AAAS: variants seen among roughly 807,000 people sequenced by gnomAD.
AAAS encodes aladin WD repeat nucleoporin, also known as aladin.
In AAAS, 60 loss-of-function variants were observed where a neutral mutation model predicts 75.6. The ratio of observed to expected loss-of-function variants is 0.79; its 90% CI spans 0.64 to 0.98. AAAS has a LOEUF of 0.98. AAAS is among the 50% of genes least tolerant of loss of function. AAAS has a pLI of 0.00. For missense variants in AAAS, 658 were observed against 686.9 expected (o/e 0.96, Z 0.47); for synonymous variants, 271 against 265.0 (o/e 1.02, Z -0.22).
chr12:53,310,310 A>G (rs996033925), intron 7 of AAAS, among the ~76,000 whole-genome samples: 3 of 152,194 alleles, frequency 2.0e-5, no homozygotes, highest in African/African-American at 4.8e-5. Flanking sequence ...CTGTAATCCC[A>G]GCACTTTGGG....
chr12:53,321,240 G>A, intron 1 of AAAS, 103 bp downstream of exon 1: 1 of 1,538,158 alleles, frequency 6.5e-7, no homozygotes, highest in Non-Finnish European at 8.8e-7. Flanking sequence ...TTTCCACTCC[G>A]CCAGACTCTG....
chr12:53,312,784 CGT>C (rs1944408317), intron 7 of AAAS, among the ~76,000 whole-genome samples: 1 of 146,972 alleles, frequency 6.8e-6, no homozygotes, highest in African/African-American at 2.5e-5. Flanking sequence ...TATACATACA[CGT>C]ATATATATAT....
chr12:53,318,402 G>C (rs1371708692), intron 2 of AAAS, among the ~76,000 whole-genome samples: 1 of 152,014 alleles, frequency 6.6e-6, no homozygotes, highest in Non-Finnish European at 1.5e-5. Context: ...GATTACACAC[G>C]GAGTTTCACC....
Position 53,308,797 on chromosome 12 carries a change from C to G in AAAS, c.1015G>C (p.Asp339His), listed in dbSNP as rs140920186. 8.5e-5 allele frequency: 138 copies of G among 1,614,086 alleles called. No individual in the cohort carries two copies. The highest frequency in any genetic ancestry group is 6.6e-4 in the Middle Eastern group (4 of 6,062). The change falls in exon 11 of 16, where the codon GAT becomes CAT. Residue 339 changes from aspartate (D) to histidine (H), a missense_variant. Transcript: ENST00000209873. ...GRCQTGCWSPDGSRLLFTVLG... is the reference protein window; with the variant it reads ...GRCQTGCWSPHGSRLLFTVLG... ...ACAGTGAACAGCAGTCGGCTGCCAT[C>G]TGGGCTCCAGCAGCCAGTCTGGGGT...
intron 1 of AAAS, chr12:53,320,959 G>A (rs1004578236): frequency 1.3e-5 from 7 of 542,564 alleles, no homozygotes; most frequent in South Asian, 8.4e-5. Flanking sequence ...TTCTTACATA[G>A]CAAACGCTCA....
At chr12:53,313,765 T>C (rs1048111573) in intron 7 of AAAS, among the ~76,000 whole-genome samples, 1 of 150,966 alleles carries the variant, frequency 6.6e-6, no homozygotes, top group South Asian at 2.1e-4. Context: ...TGTACCACCA[T>C]GCCCAGCTAA....
intron 5 of AAAS, 35 bp from the exon 6 acceptor site, chr12:53,314,884 C>T (rs1265251803): frequency 6.3e-7 from 1 of 1,586,108 alleles, no homozygotes; most frequent in Non-Finnish European, 8.6e-7. Context: ...GTTCCTGCAC[C>T]TATCCCTACC....
In AAAS at chr12:53,314,455, G is replaced by A; in HGVS notation, c.546-14C>T. The A allele has an allele frequency of 1.9e-6, 3 of 1,613,844 alleles. No individual in the cohort carries two copies. The highest frequency in any genetic ancestry group is 2.5e-6 in the Non-Finnish European group (3 of 1,180,002). On this transcript the variant is annotated splice_polypyrimidine_tract_variant and intron_variant, in intron 6 of 15. Transcript: ENST00000209873. Reference sequence around the variant, plus strand: ...GGGACTATGGTGCTAGGGTGAAGGGGCAGGAAACTGAGTCAAGGCAGGAAC... The same window carrying A: ...GGGACTATGGTGCTAGGGTGAAGGGACAGGAAACTGAGTCAAGGCAGGAAC...
At chr12:53,314,683 C>T (rs961635312) in intron 6 of AAAS, 68 bp downstream of exon 6, 70 of 1,527,310 alleles carry the variant, frequency 4.6e-5, no homozygotes, top group Non-Finnish European at 5.8e-5. Context: ...CAGGACTCCC[C>T]GGAACCAAGG....
chr12:53,311,673 G>A (rs546304594), intron 7 of AAAS, among the ~76,000 whole-genome samples: 16 of 152,192 alleles, frequency 1.1e-4, no homozygotes, highest in Non-Finnish European at 1.8e-4. Context: ...TCAGCACTTC[G>A]GGAGGCCGAG....
chr12:53,318,433 G>A (rs776533618), intron 2 of AAAS, among the ~76,000 whole-genome samples: 16 of 151,962 alleles, frequency 1.1e-4, no homozygotes, highest in South Asian at 4.2e-4. Context: ...GGCTGGTCTC[G>A]AACTCCTGAC....
rs376897011 is a variant in AAAS at position 53,315,120 on chromosome 12, G to A, written c.420C>T (p.Ile140=). The change falls in exon 5 of 16, where the codon ATC becomes ATT. Residue 140 remains isoleucine (I), a synonymous_variant. Coordinates refer to ENST00000209873, the MANE Select transcript of AAAS (RefSeq NM_015665.6). ...AATTTGTGACTTGGGCAAATTCAGC[G>A]ATCAGATCTTCGCTCCTGAGCTGTA... ...PHLSLRSEDL[I]AEFAQVTNWS... 11 of 1,614,004 alleles carry A rather than the reference G, an allele frequency of 6.8e-6. No individual in the cohort carries two copies. Among genetic ancestry groups the A allele is most frequent in the African/African-American group, 4.0e-5 (3 of 74,908 alleles).
In AAAS at chr12:53,307,513, G is replaced by A; in HGVS notation, c.1617C>T (p.Pro539=). ...DPLPGPPPVL[P]HSPHSHL The stretch of plus-strand genomic sequence containing the variant: ...CTTAGAGGTGGGAATGTGGGGAGTG[G>A]GGCAGAACAGGTGGTGGCCCTGGGA... Residue 539 remains proline, a synonymous_variant, in exon 16 of 16, where the codon CCC becomes CCT. Coordinates refer to ENST00000209873, the MANE Select transcript of AAAS (RefSeq NM_015665.6). The A allele has an allele frequency of 6.2e-7, 1 of 1,613,922 alleles. No individual in the cohort carries two copies. The highest frequency in any genetic ancestry group is 8.5e-7 in the Non-Finnish European group (1 of 1,179,824).
In AAAS at chr12:53,314,770, G is replaced by A. The variant is rs761548578; in HGVS notation, c.526C>T (p.Arg176Cys). The change falls in exon 6 of 16, where the codon CGT becomes TGT. Residue 176 changes from arginine to cysteine, a missense_variant. Arg to Cys is a radical substitution (Grantham distance 180). Coordinates refer to ENST00000209873, the MANE Select transcript of AAAS (RefSeq NM_015665.6). ...ACACACCTGCTGGCATTATACACAC[G>A]GACTGAGTCATCTAGCAGGGCCACT... ...FAVALLDDSV[R>C]VYNASSTIVP... is the part of the protein sequence containing the mutation. 1.8e-5 allele frequency: 29 copies of A among 1,613,696 alleles called. No individual in the cohort carries two copies. Among genetic ancestry groups the A allele is most frequent in the Middle Eastern group, 1.7e-4 (1 of 5,912 alleles).
At chr12:53,310,953 T>A (rs1944380275) in intron 7 of AAAS, among the ~76,000 whole-genome samples, 4 of 152,184 alleles carry the variant, frequency 2.6e-5, no homozygotes, top group Admixed American at 2.0e-4. Context: ...TACATAATGC[T>A]GTAAAAAATA....
At chr12:53,314,873 A>G in intron 5 of AAAS, 24 bp from the exon 6 acceptor site, 1 of 1,603,110 alleles carries the variant, frequency 6.2e-7, no homozygotes, top group East Asian at 2.2e-5. Flanking sequence ...TAACATGAAG[A>G]GTTCCTGCAC....
rs1827142746 is a variant in AAAS at position 53,308,354 on chromosome 12, G to T, written c.1182-5C>A. On this transcript the variant is annotated splice_region_variant and splice_polypyrimidine_tract_variant and intron_variant, in intron 12 of 15. Coordinates refer to ENST00000209873, the MANE Select transcript of AAAS (RefSeq NM_015665.6). The stretch of plus-strand genomic sequence containing the variant: ...GAGTGAGCCTCTCCCCCAAGCCTGT[G>T]GGTAAGGACAGGTTAGGAGAGTTTC... The T allele has an allele frequency of 1.2e-6, 2 of 1,614,148 alleles. No homozygotes were observed. Among genetic ancestry groups the T allele is most frequent in the South Asian group, 1.1e-5 (1 of 91,086 alleles).
At chr12:53,319,531 T>C (rs1944518123) in intron 2 of AAAS, among the ~76,000 whole-genome samples, 1 of 152,058 alleles carries the variant, frequency 6.6e-6, no homozygotes, top group Admixed American at 6.6e-5. Context: ...TATGTGCCAT[T>C]AATAGGTCCA....
chr12:53,312,703 TTTTC>T (rs918816997), intron 7 of AAAS, among the ~76,000 whole-genome samples: 121 of 151,626 alleles, frequency 8.0e-4, no homozygotes, highest in African/African-American at 2.7e-3. Flanking sequence ...TATACTTTGG[TTTTC>T]TTTTTCTCCT....
Sources: allele counts gnomAD v4.1 joint callset (sites outside exome capture counted in the v4.1 genomes callset), GRCh38; gene constraint gnomAD v4.1.1; transcripts MANE v1.5; gene names NCBI Gene and HGNC (gene_info 2026-07-23, HGNC 2026-07-21).